GNB5: variants seen among roughly 807,000 people sequenced by gnomAD.
The protein encoded by GNB5 is guanine nucleotide-binding protein subunit beta-5.
In GNB5, 37 loss-of-function variants were observed where a neutral mutation model predicts 55.3. That is an observed-to-expected ratio of 0.67 (90% CI 0.51 to 0.88). The LOEUF (loss-of-function observed/expected upper bound fraction) is 0.88, where lower values mean the gene tolerates loss of function less well. GNB5 is among the 40% of genes least tolerant of loss of function. GNB5 has a pLI of 0.00. For missense variants in GNB5, 476 were observed against 515.3 expected, an observed-to-expected ratio of 0.92 and a Z score of 0.74; for synonymous variants, 219 against 198.5, an observed-to-expected ratio of 1.10 and a Z score of -0.87.
At chr15:52,136,393 G>A (rs781559654) in intron 7 of GNB5, among the ~76,000 whole-genome samples, 41 of 152,080 alleles carry the variant, frequency 2.7e-4, no homozygotes, top group Non-Finnish European at 1.5e-4. Context: ...TAAAACCTTC[G>A]ATGCCTCCCA....
At chr15:52,159,380 GAC>G (rs2034283954) in intron 3 of GNB5, among the ~76,000 whole-genome samples, 1 of 152,134 alleles carries the variant, frequency 6.6e-6, no homozygotes, top group South Asian at 2.1e-4. Flanking sequence ...CTCTCCAGCG[GAC>G]ACACCATCTG....
chr15:52,171,093 CAAAAA>C (rs58181494), intron 3 of GNB5, among the ~76,000 whole-genome samples: 1 of 72,648 alleles, frequency 1.4e-5, no homozygotes, highest in Admixed American at 1.5e-4. Context: ...ACTCTATCTC[CAAAAA>C]AAAAAAAAAA....
intron 3 of GNB5, among the ~76,000 whole-genome samples, chr15:52,163,425 A>G (rs1224192473): frequency 6.6e-6 from 1 of 152,204 alleles, no homozygotes; most frequent in Non-Finnish European, 1.5e-5. Flanking sequence ...GCTAAGACTC[A>G]CTGTCTTGTA....
At chr15:52,147,958 G>A (rs1220740421) in intron 5 of GNB5, among the ~76,000 whole-genome samples, 1 of 151,942 alleles carries the variant, frequency 6.6e-6, no homozygotes, top group Non-Finnish European at 1.5e-5. Flanking sequence ...GTTTCAAAAG[G>A]AAGTGGTACG....
intron 3 of GNB5, among the ~76,000 whole-genome samples, chr15:52,159,309 C>T (rs1274152818): frequency 3.9e-5 from 6 of 152,046 alleles, no homozygotes; most frequent in African/African-American, 1.2e-4. Context: ...AGGACAGCGT[C>T]GATGGAGACA....
intron 10 of GNB5, 156 bp from the exon 11 acceptor site, chr15:52,126,200 C>T (rs867775297): frequency 2.7e-5 from 15 of 561,800 alleles, no homozygotes; most frequent in Admixed American, 1.5e-4. Flanking sequence ...CCTTTAGTCC[C>T]GACTCCTGTT....
chr15:52,184,654 A>G lies in GNB5; in HGVS notation c.23T>C (p.Val8Ala). 1.2e-6 allele frequency: 2 copies of G among 1,613,922 alleles called. No individual in the cohort carries two copies. The highest frequency in any genetic ancestry group is 1.7e-6 in the Non-Finnish European group (2 of 1,179,788). The change falls in exon 2 of 13, where the codon GTT becomes GCT. Residue 8 changes from valine (V) to alanine (A), a missense_variant. Physicochemically the swap from Val to Ala is moderately conservative, Grantham distance 64. Coordinates refer to ENST00000261837, the MANE Select transcript of GNB5 (RefSeq NM_016194.4). MCDQTFL[V>A]NVFGSCDKCF... ...TTTGTCACATGAGCCAAATACATTAACGAGAAAGGTCTGATCACACATCTT... is the reference window on the plus strand; with the variant it reads ...TTTGTCACATGAGCCAAATACATTAGCGAGAAAGGTCTGATCACACATCTT...
chr15:52,152,635 C>T (rs938553377), intron 4 of GNB5, among the ~76,000 whole-genome samples: 6 of 138,840 alleles, frequency 4.3e-5, no homozygotes, highest in African/African-American at 1.6e-4. Flanking sequence ...GAATATCTCT[C>T]TTTTTTTTTT....
chr15:52,184,279 C>A (rs1034016096), intron 2 of GNB5, among the ~76,000 whole-genome samples: 2 of 152,170 alleles, frequency 1.3e-5, no homozygotes, highest in Non-Finnish European at 2.9e-5. Flanking sequence ...GTGCTATTAG[C>A]ATTCCTATTT....
At chr15:52,177,839 T>A (rs888852725) in intron 3 of GNB5, among the ~76,000 whole-genome samples, 1 of 152,102 alleles carries the variant, frequency 6.6e-6, no homozygotes, top group Non-Finnish European at 1.5e-5. Flanking sequence ...CCACATGACT[T>A]CTGGTCTTTC....
chr15:52,119,612 T>C lies in GNB5; in HGVS notation c.*3145A>G, dbSNP rs2141175955. 6.6e-6 allele frequency: 1 copy of C among 152,156 alleles called. No individual in the cohort carries two copies. The highest frequency in any genetic ancestry group is 2.1e-4 in the South Asian group (1 of 4,806). 9.4% of individuals were successfully genotyped at this position (152,156 alleles called of 1,614,324 possible). ...CAGGGAGAAGCTGGGAACTAACCCTTCCTGAAGATGTGCTAAAGGCTGAGG... is the reference window on the plus strand; with the variant it reads ...CAGGGAGAAGCTGGGAACTAACCCTCCCTGAAGATGTGCTAAAGGCTGAGG... On this transcript the variant is annotated 3_prime_UTR_variant, in exon 13 of 13. Transcript: ENST00000261837.
chr15:52,122,647 C>A lies in GNB5; in HGVS notation c.*110G>T. 1.2e-6 allele frequency: 1 copy of A among 857,730 alleles called. No individual in the cohort carries two copies. The highest frequency in any genetic ancestry group is 1.4e-5 in the South Asian group (1 of 72,460). 53.1% of individuals were successfully genotyped at this position (857,730 alleles called of 1,614,324 possible). A position where few individuals can be genotyped will look rare whatever the true frequency, so the allele number is the denominator to read the frequency against. ...TTAGTGACCTGTGAGCCATGGGTTG[C>A]TCCCCTAAGCTACACTGCAATAAAC... On this transcript the variant is annotated 3_prime_UTR_variant, in exon 13 of 13. Transcript: ENST00000261837.
At chr15:52,178,384 C>A (rs1311025545) in intron 3 of GNB5, among the ~76,000 whole-genome samples, 1 of 152,150 alleles carries the variant, frequency 6.6e-6, no homozygotes, top group East Asian at 1.9e-4. Context: ...TGATAGGGAG[C>A]AAAGAGAGAT....
intron 3 of GNB5, among the ~76,000 whole-genome samples, chr15:52,168,901 A>T (rs902300108): frequency 1.2e-4 from 18 of 152,244 alleles, no homozygotes; most frequent in African/African-American, 4.3e-4. Context: ...TAGTGTTAGG[A>T]GAACTGGCTA....
At chr15:52,126,930 G>A (rs1190280662) in intron 10 of GNB5, among the ~76,000 whole-genome samples, 1 of 152,142 alleles carries the variant, frequency 6.6e-6, no homozygotes, top group Admixed American at 6.5e-5. Flanking sequence ...CTGAGTAGCT[G>A]GGATTACAGG....
chr15:52,152,932 T>C (rs1293141086), intron 4 of GNB5, among the ~76,000 whole-genome samples: 2 of 152,260 alleles, frequency 1.3e-5, no homozygotes, highest in Non-Finnish European at 2.9e-5. Context: ...GCCTGTAGAA[T>C]ATGTCATGTG....
At chr15:52,189,126 T>G (rs2034884408) in intron 1 of GNB5, among the ~76,000 whole-genome samples, 1 of 152,198 alleles carries the variant, frequency 6.6e-6, no homozygotes, top group African/African-American at 2.4e-5. Flanking sequence ...ATTAACTCAA[T>G]TAAAAATGGA....
chr15:52,128,141 A>C, intron 10 of GNB5, 55 bp downstream of exon 10: 2 of 1,098,614 alleles, frequency 1.8e-6, no homozygotes, highest in Non-Finnish European at 2.8e-6. Context: ...TCTTAAAATA[A>C]GTTAGCAGAT....
chr15:52,191,258 C>G (rs958139627), intron 1 of GNB5, 64 bp downstream of exon 1: 1 of 152,248 alleles, frequency 6.6e-6, no homozygotes, highest in African/African-American at 2.4e-5. Context: ...CTGTACTCAT[C>G]TGGATGCTTT....
Sources: gnomAD v4.1 joint callset for allele counts (sites outside exome capture counted in the v4.1 genomes callset) on GRCh38, gnomAD v4.1.1 for gene constraint, MANE v1.5 for transcripts, NCBI Gene and HGNC (gene_info 2026-07-23, HGNC 2026-07-21) for gene names.